The following KCNH6 variants were observed in gnomAD, a reference collection of about 807,000 sequenced individuals.
The protein encoded by KCNH6 is voltage-gated inwardly rectifying potassium channel KCNH6.
In KCNH6, 81 loss-of-function variants were observed where a neutral mutation model predicts 83.4. The ratio of observed to expected loss-of-function variants is 0.97; its 90% CI spans 0.81 to 1.17. The LOEUF (loss-of-function observed/expected upper bound fraction) is 1.17, where lower values mean the gene tolerates loss of function less well. Ranked by LOEUF, KCNH6 falls within the 50% of genes most tolerant of loss-of-function variation. The probability of loss-of-function intolerance (pLI) is 0.00; values close to 1 mark genes in which losing one functional copy is unlikely to be tolerated. For synonymous variants in KCNH6, 503 were observed against 545.6 expected, an observed-to-expected ratio of 0.92 and a Z score of 1.09; for missense variants, 1,203 against 1,290.5, an observed-to-expected ratio of 0.93 and a Z score of 1.04.
intron 2 of KCNH6, among the ~76,000 whole-genome samples, chr17:63,524,691 G>A (rs1328441273): frequency 6.6e-6 from 1 of 152,198 alleles, no homozygotes; most frequent in African/African-American, 2.4e-5. Context: ...AGCTGGGATG[G>A]AAATTAACCT....
At position 63,538,027 on chromosome 17, in the gene KCNH6, G is replaced by A; in HGVS notation, c.1502-38G>A. 2 of 1,597,412 alleles carry A rather than the reference G, an allele frequency of 1.3e-6. No individual in the cohort carries two copies. The highest frequency in any genetic ancestry group is 1.1e-5 in the South Asian group (1 of 90,074). ...TAAGCCCTTGGTGGTGTGGCCCAGT[G>A]GGGCCGCGGAGGAGCTCACTCTCCG... On this transcript the variant is annotated intron_variant, in intron 6 of 12. Transcript: ENST00000314672. This position sits in a 1 kb window ranked among gnomAD's most constrained non-coding sequence, Gnocchi z 4.0.
chr17:63,533,335 C>T lies in KCNH6; in HGVS notation c.676-551C>T, dbSNP rs1320963861. ...GTCCAGGTTGGCTACACCCCTACCC[C>T]ATGGACTCTTTCCATGGGAGGCTCT... is the stretch of plus-strand genomic sequence containing the variant. On this transcript the variant is annotated intron_variant, in intron 4 of 12. Coordinates refer to ENST00000314672, the MANE Select transcript of KCNH6 (RefSeq NM_001278919.2). The surrounding 1 kb of genome is among the most constrained non-coding windows in gnomAD (Gnocchi z 4.1). Among the ~76,000 whole-genome samples the T allele has an allele frequency of 6.6e-6, 1 of 152,132 alleles. No individual in the cohort carries two copies. The highest frequency in any genetic ancestry group is 1.9e-4 in the East Asian group (1 of 5,186).
At chr17:63,541,573 G>T (rs773267679) in intron 8 of KCNH6, among the ~76,000 whole-genome samples, 1 of 149,906 alleles carries the variant, frequency 6.7e-6, no homozygotes, top group East Asian at 1.9e-4. Flanking sequence ...GATTACAGGC[G>T]TGAGCCGCTG....
chr17:63,538,548 C>T lies in KCNH6; in HGVS notation c.1840C>T (p.His614Tyr), dbSNP rs1364410912. 6.2e-7 allele frequency: 1 copy of T among 1,611,164 alleles called. No homozygotes were observed. Among genetic ancestry groups the T allele is most frequent in the Admixed American group, 1.7e-5 (1 of 59,638 alleles). Residue 614 changes from histidine (H) to tyrosine (Y), a missense_variant, in exon 8 of 13, where the codon CAC becomes TAC. Coordinates refer to ENST00000314672, the MANE Select transcript of KCNH6 (RefSeq NM_001278919.2). The surrounding 1 kb of genome is among the most constrained non-coding windows in gnomAD (Gnocchi z 4.0). ...GCTAGCCGTCAAGTTCAAGACCACC[C>T]ACGCGCCGCCTGGGGACACGCTGGT... ...RALAVKFKTT[H>Y]APPGDTLVHL...
At chr17:63,528,829 T>TTTTGTTTGTTCG (rs2031892271) in intron 2 of KCNH6, among the ~76,000 whole-genome samples, 1 of 150,474 alleles carries the variant, frequency 6.6e-6, no homozygotes, top group African/African-American at 2.5e-5. Flanking sequence ...GTATGGGGTA[T>TTTTGTTTGTTCG]TTTGTTTGTT....
chr17:63,530,098 C>T lies in KCNH6; in HGVS notation c.315C>T (p.Ser105=). 6.2e-7 allele frequency: 1 copy of T among 1,613,278 alleles called. No individual in the cohort carries two copies. The highest frequency in any genetic ancestry group is 8.5e-7 in the Non-Finnish European group (1 of 1,179,996). ...TCCCAATGGTGTTCGCAGCCTCCAGCTTCCGCTGCCTGGTAGATGTGGTGC... is the reference window on the plus strand; with the variant it reads ...TCCCAATGGTGTTCGCAGCCTCCAGTTTCCGCTGCCTGGTAGATGTGGTGC... ...DILYYRKDAS[S]FRCLVDVVPV... is the part of the protein sequence containing the mutation. The change falls in exon 3 of 13, where the codon AGC becomes AGT. Residue 105 remains serine, a synonymous_variant. Coordinates refer to ENST00000314672, the MANE Select transcript of KCNH6 (RefSeq NM_001278919.2).
chr17:63,531,759 G>T (rs2032129320), intron 4 of KCNH6, among the ~76,000 whole-genome samples: 1 of 152,208 alleles, frequency 6.6e-6, no homozygotes, highest in African/African-American at 2.4e-5. Flanking sequence ...CCACGGAGGG[G>T]GCTGTTAGAC....
Position 63,533,591 on chromosome 17 carries a change from A to G in KCNH6, c.676-295A>G, listed in dbSNP as rs1166818622. Among the ~76,000 whole-genome samples, 2 of 152,034 alleles carry G rather than the reference A, an allele frequency of 1.3e-5. No individual in the cohort carries two copies. Among genetic ancestry groups the G allele is most frequent in the East Asian group, 1.9e-4 (1 of 5,180 alleles). On this transcript the variant is annotated intron_variant, in intron 4 of 12. Transcript: ENST00000314672. This position sits in a 1 kb window ranked among gnomAD's most constrained non-coding sequence, Gnocchi z 4.1. ...TCCCCTGCCTGGCTCCACCCACTCC[A>G]GGATGTTTCCAAGGGAGCTTGTGAG...
In KCNH6 at chr17:63,541,092, G is replaced by A. The variant is rs540687759; in HGVS notation, c.1955-1149G>A. On this transcript the variant is annotated intron_variant, in intron 8 of 12. Coordinates refer to ENST00000314672, the MANE Select transcript of KCNH6 (RefSeq NM_001278919.2). ...TGCTGTAAACTTGTTGGCTGCTTAC[G>A]TACCTATCTTGCAGGGATTTGGGAG... Among the ~76,000 whole-genome samples, 18 of 152,128 alleles carry A rather than the reference G, an allele frequency of 1.2e-4. 1 individual carries two copies. The South Asian group carries it at 1.5e-3, about 12-fold the overall frequency.
chr17:63,536,208 T>G lies in KCNH6; in HGVS notation c.1501+140T>G, dbSNP rs971641235. The G allele has an allele frequency of 1.3e-5, 10 of 796,062 alleles. No individual in the cohort carries two copies. The African/African-American group carries it at 1.5e-4, about 12-fold the overall frequency. The allele number at this position is 796,062 out of a possible 1,614,324, so 49.3% of individuals were successfully genotyped here. ...CACTGATCCTAAGTGTGCAGCACAA[T>G]GAATTTTTGCTGGTGTGTGCACCAA... is the stretch of plus-strand genomic sequence containing the variant. On this transcript the variant is annotated intron_variant, in intron 6 of 12. Coordinates refer to ENST00000314672, the MANE Select transcript of KCNH6 (RefSeq NM_001278919.2).
At position 63,545,114 on chromosome 17, in the gene KCNH6, C is replaced by G; in HGVS notation, c.2433C>G (p.Ile811Met). The stretch of plus-strand genomic sequence containing the variant: ...GCGTGTCCTCAGACCTCAGCCGCAT[C>G]TTGCAGCTCCTCCAGAAGCCCATGC... ...ESRVSSDLSR[I>M]LQLLQKPMPQ... The change falls in exon 12 of 13, where the codon ATC (isoleucine) becomes ATG (methionine). Residue 811 changes from isoleucine to methionine, a missense_variant. By Grantham distance (10) the Ile-to-Met change is conservative (BLOSUM62 1). Coordinates refer to ENST00000314672, the MANE Select transcript of KCNH6 (RefSeq NM_001278919.2). 6.2e-7 allele frequency: 1 copy of G among 1,613,740 alleles called. No individual in the cohort carries two copies. Among genetic ancestry groups the G allele is most frequent in the Non-Finnish European group, 8.5e-7 (1 of 1,180,014 alleles).
chr17:63,527,103 C>G (rs1048850117), intron 2 of KCNH6, among the ~76,000 whole-genome samples: 1 of 152,140 alleles, frequency 6.6e-6, no homozygotes, highest in African/African-American at 2.4e-5. Flanking sequence ...TTCCTGGGTC[C>G]TCTTCTCTGA....
chr17:63,544,927 G>T, intron 11 of KCNH6, 151 bp from the exon 12 acceptor site: 1 of 747,642 alleles, frequency 1.3e-6, no homozygotes. Context: ...TCTGGGCCGG[G>T]GCTGTGGATC....
chr17:63,529,580 G>T (rs2031945846), intron 2 of KCNH6, among the ~76,000 whole-genome samples: 2 of 152,180 alleles, frequency 1.3e-5, no homozygotes, highest in Admixed American at 1.3e-4. Flanking sequence ...TGCCCCCCAA[G>T]GACCTCCTGA....
At chr17:63,526,838 T>G (rs1597972639) in intron 2 of KCNH6, among the ~76,000 whole-genome samples, 1 of 152,078 alleles carries the variant, frequency 6.6e-6, no homozygotes, top group Non-Finnish European at 1.5e-5. Context: ...CTACAGACAT[T>G]TGGGCTCAAA....
chr17:63,543,622 A>G lies in KCNH6; in HGVS notation c.2195A>G (p.Gln732Arg). The G allele has an allele frequency of 1.2e-6, 2 of 1,613,140 alleles. No individual in the cohort carries two copies. The highest frequency in any genetic ancestry group is 1.7e-6 in the Non-Finnish European group (2 of 1,179,678). The change falls in exon 10 of 13, where the codon CAA becomes CGA. Residue 732 changes from glutamine (Q) to arginine (R), a missense_variant. Transcript: ENST00000314672. ...HSSPRQAPGS[Q>R]DHQGFFLSDN... ...TCCCCCCGACAGGCTCCTGGCAGCC[A>G]AGACCACCAAGGTTTCTTTCTCAGT...
rs1161765043 is a variant in KCNH6 at position 63,538,424 on chromosome 17, C to T, written c.1716C>T (p.Phe572=). 1.2e-6 allele frequency: 2 copies of T among 1,600,178 alleles called. No individual in the cohort carries two copies. The highest frequency in any genetic ancestry group is 1.7e-6 in the Non-Finnish European group (2 of 1,174,394). ...GIDMNAVLKG[F]PECLQADICL... ...CCGCCTTGCAGGTGCTGAAGGGCTT[C>T]CCCGAGTGCCTGCAGGCTGACATCT... is the stretch of plus-strand genomic sequence containing the variant. Residue 572 remains phenylalanine, a synonymous_variant, in exon 8 of 13, where the codon TTC becomes TTT. Coordinates refer to ENST00000314672, the MANE Select transcript of KCNH6 (RefSeq NM_001278919.2). The surrounding 1 kb of genome is among the most constrained non-coding windows in gnomAD (Gnocchi z 4.0).
rs1598002369 is a variant in KCNH6, at chr17:63,538,537, T to C, written c.1829T>C (p.Phe610Ser). 1 of 1,610,166 alleles carries C rather than the reference T, an allele frequency of 6.2e-7. No individual in the cohort carries two copies. The highest frequency in any genetic ancestry group is 8.5e-7 in the Non-Finnish European group (1 of 1,178,532). Residue 610 changes from phenylalanine (F) to serine (S), a missense_variant, in exon 8 of 13, where the codon TTC (phenylalanine) becomes TCC (serine). By Grantham distance (155) the Phe-to-Ser change is radical. Coordinates refer to ENST00000314672, the MANE Select transcript of KCNH6 (RefSeq NM_001278919.2). The surrounding 1 kb of genome is among the most constrained non-coding windows in gnomAD (Gnocchi z 4.0). Reference protein sequence around the residue: ...KGCLRALAVKFKTTHAPPGDT... With the variant: ...KGCLRALAVKSKTTHAPPGDT... ...TGCCTGCGCGCGCTAGCCGTCAAGT[T>C]CAAGACCACCCACGCGCCGCCTGGG...
chr17:63,527,480 T>C (rs759765598), intron 2 of KCNH6, among the ~76,000 whole-genome samples: 1 of 151,938 alleles, frequency 6.6e-6, no homozygotes, highest in Admixed American at 6.5e-5. Context: ...GGAGAGAGAA[T>C]TGGGGTCTCC....
Sources: gnomAD v4.1 joint callset for allele counts (sites outside exome capture counted in the v4.1 genomes callset) on GRCh38, gnomAD v4.1.1 for gene constraint, Gnocchi (gnomAD v3.1) non-coding constraint, MANE v1.5 for transcripts, NCBI Gene and HGNC (gene_info 2026-07-23, HGNC 2026-07-21) for gene names.